The following MAGI2 variants were observed in gnomAD, a reference collection of about 807,000 sequenced individuals.
MAGI2 encodes membrane associated guanylate kinase, WW and PDZ domain containing 2, also known as membrane-associated guanylate kinase, WW and PDZ domain-containing protein 2.
A neutral mutation model predicts 133.3 loss-of-function variants in MAGI2; 35 were observed. The observed-to-expected ratio is 0.26, with a 90% CI of 0.20 to 0.35. The LOEUF (loss-of-function observed/expected upper bound fraction) is 0.35, where lower values mean the gene tolerates loss of function less well. MAGI2 is among the 10% of genes least tolerant of loss of function. MAGI2 has a pLI of 1.00. For synonymous variants in MAGI2, 729 were observed against 710.6 expected (o/e 1.03, Z -0.41); for missense variants, 1,636 against 1,863.4 (o/e 0.88, Z 2.25).
chr7:78,176,436 C>A (rs1420811403), intron 14 of MAGI2, among the ~76,000 whole-genome samples: 1 of 151,980 alleles, frequency 6.6e-6, no homozygotes, highest in East Asian at 1.9e-4. Context: ...GCTCAGCTTC[C>A]TGGGGTTTTC....
intron 2 of MAGI2, among the ~76,000 whole-genome samples, chr7:78,721,919 A>G (rs985835433): frequency 4.0e-5 from 6 of 151,870 alleles, no homozygotes; most frequent in Admixed American, 3.9e-4. Flanking sequence ...GACATAAACA[A>G]CTAGCAAACT....
At chr7:78,702,754 T>C (rs962591164) in intron 2 of MAGI2, among the ~76,000 whole-genome samples, 1 of 152,030 alleles carries the variant, frequency 6.6e-6, no homozygotes, top group East Asian at 1.9e-4. Flanking sequence ...GGAGCATTTA[T>C]TGGATGACTA....
At chr7:78,801,610 G>GC (rs1371556883) in intron 2 of MAGI2, among the ~76,000 whole-genome samples, 3 of 116,318 alleles carry the variant, frequency 2.6e-5, no homozygotes, top group Non-Finnish European at 6.2e-5. Flanking sequence ...ATAATAAAAA[G>GC]GGTTTTTTTT....
chr7:78,556,838 C>T (rs940005393), intron 3 of MAGI2, among the ~76,000 whole-genome samples: 1 of 151,920 alleles, frequency 6.6e-6, no homozygotes, highest in East Asian at 1.9e-4. Context: ...CCTGTAATCC[C>T]AGCACTTTGG....
intron 6 of MAGI2, among the ~76,000 whole-genome samples, chr7:78,380,263 A>G (rs1368159456): frequency 1.3e-5 from 2 of 152,114 alleles, no homozygotes; most frequent in Admixed American, 6.6e-5. Context: ...AAGATTAAAA[A>G]GAGTTAAGTC....
intron 2 of MAGI2, among the ~76,000 whole-genome samples, chr7:78,994,147 G>A (rs990785394): frequency 6.6e-6 from 1 of 152,038 alleles, no homozygotes; most frequent in Non-Finnish European, 1.5e-5. Flanking sequence ...CTGAGAAGCT[G>A]TCATTACACT....
chr7:78,925,677 A>G (rs1799638030), intron 2 of MAGI2, among the ~76,000 whole-genome samples: 1 of 152,102 alleles, frequency 6.6e-6, no homozygotes, highest in Admixed American at 6.6e-5. Context: ...TCTTGCTTCT[A>G]TTAATTTAGA....
chr7:78,542,146 ATTCTTT>A (rs1364465537), intron 3 of MAGI2, among the ~76,000 whole-genome samples: 1 of 152,222 alleles, frequency 6.6e-6, no homozygotes, highest in Admixed American at 6.5e-5. Context: ...TGATATCATT[ATTCTTT>A]TTCATTTAAA....
chr7:78,221,630 G>A (rs7808306), intron 10 of MAGI2, among the ~76,000 whole-genome samples: 100,421 of 151,674 alleles, frequency 0.66, 33,406 homozygotes, highest in Admixed American at 0.72. Flanking sequence ...CATATTATTT[G>A]CATATTCACA....
intron 2 of MAGI2, among the ~76,000 whole-genome samples, chr7:78,735,293 C>A (rs192361152): frequency 1.8e-4 from 27 of 152,276 alleles, no homozygotes; most frequent in Admixed American, 1.7e-3. Context: ...GATGGCCTCA[C>A]ATACAGACAA....
At chr7:79,051,207 A>G (rs1303085965) in intron 1 of MAGI2, among the ~76,000 whole-genome samples, 2 of 152,142 alleles carry the variant, frequency 1.3e-5, no homozygotes, top group Non-Finnish European at 2.9e-5. Flanking sequence ...TCTAGGGGAA[A>G]ATCCTATTTT....
intron 21 of MAGI2, among the ~76,000 whole-genome samples, chr7:78,042,834 A>G (rs62461162): frequency 0.12 from 17,892 of 152,284 alleles, 1,218 homozygotes; most frequent in South Asian, 0.16. Flanking sequence ...GGAGTATCAG[A>G]GCTGGGGACA....
chr7:78,545,337 T>C (rs1040622097), intron 3 of MAGI2, among the ~76,000 whole-genome samples: 2 of 151,186 alleles, frequency 1.3e-5, no homozygotes, highest in Admixed American at 1.3e-4. Flanking sequence ...CTCAGCCTTC[T>C]GAGTAGCTGC....
chr7:78,815,543 C>A (rs754071001), intron 2 of MAGI2, among the ~76,000 whole-genome samples: 1 of 151,828 alleles, frequency 6.6e-6, no homozygotes. Context: ...TTTGTGGCAA[C>A]TTTTCATGAA....
intron 20 of MAGI2, among the ~76,000 whole-genome samples, chr7:78,123,854 T>G (rs950502400): frequency 3.3e-5 from 5 of 152,042 alleles, no homozygotes; most frequent in African/African-American, 1.2e-4. Flanking sequence ...ATTCAGCAGT[T>G]TTGGGTGGGG....
intron 3 of MAGI2, among the ~76,000 whole-genome samples, chr7:78,607,720 AAAAT>A (rs758498700): frequency 6.6e-6 from 1 of 152,056 alleles, no homozygotes; most frequent in Non-Finnish European, 1.5e-5. Context: ...CTTTTTTGCT[AAAAT>A]AACCAGACTA....
chr7:78,665,848 T>C (rs1168682038), intron 2 of MAGI2, among the ~76,000 whole-genome samples: 2 of 152,188 alleles, frequency 1.3e-5, no homozygotes, highest in South Asian at 2.1e-4. Context: ...GGCACGTCTC[T>C]AAATGCTAGA....
chr7:78,094,013 A>G (rs574372608), intron 20 of MAGI2, among the ~76,000 whole-genome samples: 94 of 152,344 alleles, frequency 6.2e-4, no homozygotes, highest in African/African-American at 2.1e-3. Context: ...CCTGAAAAAT[A>G]TAATTCTAAT....
intron 9 of MAGI2, among the ~76,000 whole-genome samples, chr7:78,334,939 C>T (rs2151161999): frequency 6.6e-6 from 1 of 152,176 alleles, no homozygotes; most frequent in Admixed American, 6.5e-5. Context: ...AAGTATATTC[C>T]AGAGCAGGAG....
Sources: gnomAD v4.1 joint callset for allele counts (sites outside exome capture counted in the v4.1 genomes callset) on GRCh38, gnomAD v4.1.1 for gene constraint, MANE v1.5 for transcripts, NCBI Gene and HGNC (gene_info 2026-07-23, HGNC 2026-07-21) for gene names.